Variants in NCAPD3 observed in about 807,000 individuals in gnomAD.
The protein encoded by NCAPD3 is condensin-2 complex subunit D3.
NCAPD3 carries 105 observed loss-of-function variants against 182.9 expected under a neutral mutation model. That is an observed-to-expected ratio of 0.57 (90% CI 0.49 to 0.68). The LOEUF is 0.68. Among genes scored for constraint, NCAPD3 ranks in the 30% least tolerant of loss-of-function variants. NCAPD3 has a pLI of 0.00. For synonymous variants in NCAPD3, 815 were observed against 679.9 expected, an observed-to-expected ratio of 1.20 and a Z score of -3.09; for missense variants, 1,944 against 1,837.0, an observed-to-expected ratio of 1.06 and a Z score of -1.07.
At chr11:134,172,800 G>A (rs959027870) in intron 24 of NCAPD3, among the ~76,000 whole-genome samples, 19 of 152,086 alleles carry the variant, frequency 1.2e-4, no homozygotes, top group Admixed American at 8.5e-4. Flanking sequence ...CACTTTGGGA[G>A]GCTGAGGTGA....
At chr11:134,162,494 T>A (rs1348918002) in intron 27 of NCAPD3, among the ~76,000 whole-genome samples, 2 of 151,122 alleles carry the variant, frequency 1.3e-5, no homozygotes, top group Non-Finnish European at 3.0e-5. Context: ...CTCTTTAAAT[T>A]AAAAAAAAAG....
intron 18 of NCAPD3, 56 bp from the exon 19 acceptor site, chr11:134,184,808 TATACACACACACACACACACAC>T (rs1186242809): frequency 4.2e-6 from 4 of 955,524 alleles, no homozygotes; most frequent in Non-Finnish European, 6.1e-6. Context: ...TTCAGGTATA[TATACACACACACACACACACAC>T]ACACACACAC....
At chr11:134,209,786 G>A (rs2136019779) in intron 4 of NCAPD3, 1 of 280,898 alleles carries the variant, frequency 3.6e-6, no homozygotes, top group South Asian at 5.7e-5. Context: ...TAGGCTGGGT[G>A]TTGTGGCTCA....
intron 31 of NCAPD3, 51 bp downstream of exon 31, chr11:134,157,877 G>T: frequency 6.4e-7 from 1 of 1,552,186 alleles, no homozygotes; most frequent in Non-Finnish European, 8.8e-7. Context: ...CTTGTTCTGT[G>T]TTTTCATCTG....
chr11:134,177,189 G>T (rs749256781), intron 23 of NCAPD3, 30 bp downstream of exon 23: 17 of 1,518,540 alleles, frequency 1.1e-5, no homozygotes, highest in Non-Finnish European at 1.5e-5. Flanking sequence ...ATGGTGAAGG[G>T]GAAAGGACAG....
rs531566221 is a variant in NCAPD3, at chr11:134,181,284, T to C, written c.2452-100A>G. The C allele has an allele frequency of 2.7e-3, 2,064 of 760,976 alleles. 44 individuals are homozygous for C. The highest frequency in any genetic ancestry group is 0.026 in the South Asian group (1,540 of 58,612). 47.1% of individuals were successfully genotyped at this position (760,976 alleles called of 1,614,324 possible). On this transcript the variant is annotated intron_variant, in intron 19 of 34. Coordinates refer to ENST00000534548, the MANE Select transcript of NCAPD3 (RefSeq NM_015261.3). ...GAAGAAACTATGATCTTCAAATGGA[T>C]AGGCTGTAGGGGTGCTTCCTAGCTT...
chr11:134,153,547 C>T (rs1441112631), intron 32 of NCAPD3, 184 bp from the exon 33 acceptor site: 1 of 644,906 alleles, frequency 1.6e-6, no homozygotes, highest in Non-Finnish European at 2.8e-6. Flanking sequence ...ATGCTCCTTT[C>T]CGTCTCTCTG....
chr11:134,153,063 G>A lies in NCAPD3; in HGVS notation c.4389-11C>T. 6.2e-7 allele frequency: 1 copy of A among 1,609,278 alleles called. No individual in the cohort carries two copies. Among genetic ancestry groups the A allele is most frequent in the Admixed American group, 1.7e-5 (1 of 59,848 alleles). On this transcript the variant is annotated splice_polypyrimidine_tract_variant and intron_variant, in intron 34 of 34. Transcript: ENST00000534548. ...TGAGGCTGTGGGGGCCTAGGGAAAG[G>A]ACATGTGCAGTCATTCTGGAACTCA...
At chr11:134,160,157 G>A in intron 28 of NCAPD3, 83 bp from the exon 29 acceptor site, 2 of 1,435,918 alleles carry the variant, frequency 1.4e-6, no homozygotes, top group Non-Finnish European at 1.9e-6. Flanking sequence ...ACCTTCGCCT[G>A]TGTAACAAAC....
intron 27 of NCAPD3, among the ~76,000 whole-genome samples, chr11:134,164,165 G>A (rs1209570564): frequency 6.6e-6 from 1 of 152,148 alleles, no homozygotes; most frequent in Non-Finnish European, 1.5e-5. Context: ...GCCTGCAGAG[G>A]CCTGTGGCAG....
intron 15 of NCAPD3, 81 bp downstream of exon 15, chr11:134,193,935 T>G (rs867208892): frequency 1.4e-6 from 2 of 1,436,056 alleles, no homozygotes; most frequent in Middle Eastern, 3.9e-4. Context: ...CAACTTAACG[T>G]TTAGCAGCAG....
rs5795873 is a variant in NCAPD3 at position 134,218,110 on chromosome 11, A to AGGG, written c.220-1015_220-1013dup. ...AAGACCCTGGTCTCAAAAAAAAAAA[A>AGGG]GGGGGGGGGGGGAAGAAATCATCTC... On this transcript the variant is annotated intron_variant, in intron 2 of 34. Transcript: ENST00000534548. Among the ~76,000 whole-genome samples the AGGG allele has an allele frequency of 6.2e-3, 368 of 59,452 alleles. 6 individuals carry two copies. Among genetic ancestry groups the AGGG allele is most frequent in the African/African-American group, 7.7e-3 (119 of 15,406 alleles). 39.0% of individuals were successfully genotyped at this position (59,452 alleles called of 152,430 possible). A position where few individuals can be genotyped will look rare whatever the true frequency, so the allele number is the denominator to read the frequency against.
upstream of NCAPD3, chr11:134,224,980 C>T (rs4937869): frequency 0.2 from 119,245 of 607,696 alleles, 12,812 homozygotes; most frequent in South Asian, 0.37. Context: ...GCCCACTGCC[C>T]GGCGGCAGCG....
chr11:134,200,894 C>A (rs1944733329), intron 13 of NCAPD3, among the ~76,000 whole-genome samples: 1 of 151,968 alleles, frequency 6.6e-6, no homozygotes, highest in South Asian at 2.1e-4. Flanking sequence ...TTACTCAGCA[C>A]AAAAAGGAAT....
intron 26 of NCAPD3, 136 bp from the exon 27 acceptor site, chr11:134,168,331 T>A: frequency 1.3e-6 from 2 of 1,486,138 alleles, no homozygotes; most frequent in Non-Finnish European, 1.9e-6. Context: ...GGGGCACAGC[T>A]GATGCCAGAG....
At position 134,160,064 on chromosome 11, in the gene NCAPD3, T is replaced by C. The variant is rs759751865; in HGVS notation, c.3695A>G (p.Gln1232Arg). 2 of 1,613,986 alleles carry C rather than the reference T, an allele frequency of 1.2e-6. No individual in the cohort carries two copies. Among genetic ancestry groups the C allele is most frequent in the South Asian group, 1.1e-5 (1 of 91,068 alleles). Residue 1232 changes from glutamine to arginine, a missense_variant, in exon 29 of 35, where the codon CAG (glutamine) becomes CGG (arginine). This residue lies in a region of NCAPD3 where 1,803 missense variants were observed against 1,674.6 expected (regional missense o/e 1.08). Transcript: ENST00000534548. The part of the protein sequence containing the change: ...ELMHYLREVM[Q>R]DYRDELKDFF... The stretch of plus-strand genomic sequence containing the variant: ...GTCCTTGAGCTCATCTCGGTAATCC[T>C]GCATCACCTCCTGAAACAGAGCCAG...
chr11:134,152,659 T>G lies in NCAPD3; in HGVS notation c.*285A>C, dbSNP rs995070145. 4.0e-5 allele frequency: 12 copies of G among 299,404 alleles called. No individual in the cohort carries two copies. Among genetic ancestry groups the G allele is most frequent in the Non-Finnish European group, 6.7e-5 (11 of 163,792 alleles). 18.5% of individuals were successfully genotyped at this position (299,404 alleles called of 1,614,324 possible). On this transcript the variant is annotated 3_prime_UTR_variant, in exon 35 of 35. Transcript: ENST00000534548. ...GTTCCTTAAAGACCAGATTATAGCTTATCTGAATGGGCTTGACACTTTCAA... is the reference window on the plus strand; with the variant it reads ...GTTCCTTAAAGACCAGATTATAGCTGATCTGAATGGGCTTGACACTTTCAA...
In NCAPD3 at chr11:134,158,420, G is replaced by T. The variant is rs1213876164; in HGVS notation, c.3943C>A (p.Pro1315Thr). ...NPAMSPAVSQPCTPRASAGHV... is the reference protein window; with the variant it reads ...NPAMSPAVSQTCTPRASAGHV... ...CCAGCACTTGCCCTGGGTGTGCAGG[G>T]CTGGCTCACGGCAGGTGACATGGCA... Residue 1315 changes from proline to threonine, a missense_variant, in exon 30 of 35, where the codon CCC (proline) becomes ACC (threonine). Transcript: ENST00000534548. 2 of 1,614,222 alleles carry T rather than the reference G, an allele frequency of 1.2e-6. No individual in the cohort carries two copies. Among genetic ancestry groups the T allele is most frequent in the East Asian group, 4.5e-5 (2 of 44,876 alleles).
At chr11:134,187,465 G>T (rs1428934072) in intron 16 of NCAPD3, among the ~76,000 whole-genome samples, 1 of 152,074 alleles carries the variant, frequency 6.6e-6, no homozygotes, top group African/African-American at 2.4e-5. Flanking sequence ...TCCTCAACCT[G>T]CCCGACTTCT....
Sources: allele counts gnomAD v4.1 joint callset (sites outside exome capture counted in the v4.1 genomes callset), GRCh38; gene constraint gnomAD v4.1.1; regional missense constraint gnomAD v4.1.1; transcripts MANE v1.5; gene names NCBI Gene and HGNC (gene_info 2026-07-23, HGNC 2026-07-21).